The following UPF3B variants were observed in gnomAD, a reference collection of about 807,000 sequenced individuals.
UPF3B encodes the protein UPF3B regulator of nonsense mediated mRNA decay.
A neutral mutation model predicts 40.3 loss-of-function variants in UPF3B; 7 were observed. The observed-to-expected ratio is 0.17, with a 90% CI of 0.10 to 0.33. The LOEUF (loss-of-function observed/expected upper bound fraction) is 0.33, where lower values mean the gene tolerates loss of function less well. Among genes scored for constraint, UPF3B ranks in the 10% least tolerant of loss-of-function variants. The pLI, the probability that UPF3B is intolerant of heterozygous loss-of-function variation, is 1.00. For missense variants in UPF3B, 229 were observed against 358.9 expected (o/e 0.64, Z 2.93); for synonymous variants, 117 against 117.3 (o/e 1.00, Z 0.01).
At chrX:119,809,375 C>G (rs1353015584) in intron 5 of UPF3B, among the ~76,000 whole-genome samples, 1 of 111,940 alleles carries the variant, frequency 8.9e-6, no homozygotes, top group African/African-American at 3.2e-5. Context: ...GAGAAGTCTT[C>G]AAAAAGTCCA....
rs762578331 is a variant in UPF3B, at chrX:119,837,939, G to A, written c.1120C>T (p.Arg374Cys). The change falls in exon 10 of 11, where the codon CGT becomes TGT. Residue 374 changes from arginine (R) to cysteine (C), a missense_variant. Physicochemically the swap from Arg to Cys is radical, Grantham distance 180. Coordinates refer to ENST00000276201, the MANE Select transcript of UPF3B (RefSeq NM_080632.3). ...TTCTCATAGCGCTCCTTCTGCCTAC[G>A]GCGCTCTTCTTCTTGCCGCTTCAGC... ...ERLKRQEEER[R>C]RQKERYEKEK... The A allele has an allele frequency of 1.1e-4, 131 of 1,207,894 alleles. No individual in the cohort carries two copies. The highest frequency in any genetic ancestry group is 1.9e-4 in the South Asian group (11 of 56,636).
intron 3 of UPF3B, among the ~76,000 whole-genome samples, chrX:119,825,764 T>A (rs1344571285): frequency 8.9e-6 from 1 of 112,124 alleles, no homozygotes; most frequent in African/African-American, 3.2e-5. Flanking sequence ...TACAAATGGA[T>A]AACTTGTAAC....
chrX:119,816,577 G>T (rs887757996), intron 4 of UPF3B, among the ~76,000 whole-genome samples: 1 of 111,285 alleles, frequency 9.0e-6, no homozygotes, highest in African/African-American at 3.3e-5. Context: ...CAGGCAAGTA[G>T]AACAGAAGAG....
downstream of UPF3B, chrX:119,833,887 G>A: frequency 3.9e-6 from 1 of 255,936 alleles, no homozygotes; most frequent in Non-Finnish European, 5.4e-6. Flanking sequence ...TGGGTGAGAT[G>A]CCTGCTTCTA....
chrX:119,819,859 T>C lies in UPF3B; in HGVS notation c.494+3083A>G, dbSNP rs1276400526. On this transcript the variant is annotated intron_variant, in intron 4 of 6. Coordinates refer to the UPF3B transcript ENST00000636792. Reference sequence around the variant, plus strand: ...TATTTTTCCTTTTTTTTTTTTTTTTTTTTGAGATGGAGTCTGGCTCTGTCG... The same window carrying C: ...TATTTTTCCTTTTTTTTTTTTTTTTCTTTGAGATGGAGTCTGGCTCTGTCG... 3.0e-5 allele frequency among the ~76,000 whole-genome samples: 3 copies of C among 100,388 alleles called. No homozygotes were observed. In the East Asian group the frequency reaches 9.0e-4, roughly 30 times the overall value. 87.2% of individuals were successfully genotyped at this position (100,388 alleles called of 115,157 possible).
At chrX:119,837,445 C>G (rs758724272) in intron 10 of UPF3B, among the ~76,000 whole-genome samples, 1 of 106,596 alleles carries the variant, frequency 9.4e-6, no homozygotes, top group South Asian at 4.4e-4. Context: ...GAAACCCTGT[C>G]TCTACTAAAA....
intron 3 of UPF3B, among the ~76,000 whole-genome samples, 186 bp from the exon 4 acceptor site, chrX:119,845,482 C>T (rs1184720382): frequency 8.9e-6 from 1 of 112,162 alleles, no homozygotes; most frequent in Non-Finnish European, 1.9e-5. Context: ...CAAATTCACA[C>T]TGATAACATA....
chrX:119,830,892 G>A (rs1603368720), downstream of UPF3B, among the ~76,000 whole-genome samples: 4 of 111,678 alleles, frequency 3.6e-5, no homozygotes, highest in Admixed American at 9.5e-5. Flanking sequence ...GAACAAGATC[G>A]GAACAAGACT....
chrX:119,843,566 A>T (rs1480530403), intron 4 of UPF3B, among the ~76,000 whole-genome samples: 1 of 111,938 alleles, frequency 8.9e-6, no homozygotes, highest in Non-Finnish European at 1.9e-5. Flanking sequence ...CAGAACCACT[A>T]GGGGTATTAC....
downstream of UPF3B, among the ~76,000 whole-genome samples, chrX:119,830,687 A>G (rs1467042182): frequency 9.1e-6 from 1 of 109,775 alleles, no homozygotes; most frequent in Admixed American, 9.8e-5. Flanking sequence ...GGCAGAAAGT[A>G]ATATCATTCC....
In UPF3B at chrX:119,844,058, C is replaced by CT. The variant is rs1381721871; in HGVS notation, c.470-758dup. Among the ~76,000 whole-genome samples, 9 of 109,673 alleles carry CT rather than the reference C, an allele frequency of 8.2e-5. 1 individual carries two copies. Among genetic ancestry groups the CT allele is most frequent in the Admixed American group, 1.9e-4 (2 of 10,257 alleles). On this transcript the variant is annotated intron_variant, in intron 4 of 10. Coordinates refer to ENST00000276201, the MANE Select transcript of UPF3B (RefSeq NM_080632.3). Reference sequence around the variant, plus strand: ...AGTTCTTGTATTTCTTTCTTTCTTTCTTTTTTTTTGAGACGGAGTTTTGCT... The same window carrying CT: ...AGTTCTTGTATTTCTTTCTTTCTTTCTTTTTTTTTTGAGACGGAGTTTTGCT...
At chrX:119,835,786 A>C (rs974158973) in intron 10 of UPF3B, among the ~76,000 whole-genome samples, 5 of 110,903 alleles carry the variant, frequency 4.5e-5, no homozygotes, top group Non-Finnish European at 9.4e-5. Flanking sequence ...GACCAGCCTG[A>C]GCAACATAGG....
chrX:119,843,581 T>C (rs932630660), intron 4 of UPF3B, among the ~76,000 whole-genome samples: 1 of 111,828 alleles, frequency 8.9e-6, no homozygotes, highest in Non-Finnish European at 1.9e-5. Context: ...TATTACATAG[T>C]TTGCTTTTAA....
At chrX:119,848,685 G>T (rs1399065536) in intron 3 of UPF3B, among the ~76,000 whole-genome samples, 1 of 111,795 alleles carries the variant, frequency 8.9e-6, no homozygotes, top group Non-Finnish European at 1.9e-5. Flanking sequence ...GTTACAACAT[G>T]GATGGACCTT....
chrX:119,844,127 T>G (rs1191766047), intron 4 of UPF3B, among the ~76,000 whole-genome samples: 1 of 110,984 alleles, frequency 9.0e-6, no homozygotes. Context: ...CTCAGCTCAC[T>G]GCAACCTCCG....
intron 1 of UPF3B, among the ~76,000 whole-genome samples, chrX:119,852,199 A>C (rs998460668): frequency 1.8e-5 from 2 of 111,749 alleles, no homozygotes; most frequent in Non-Finnish European, 3.8e-5. Flanking sequence ...TAACTTAGTA[A>C]GCCAACGCTG....
At chrX:119,820,930 G>A (rs1199407858) in intron 4 of UPF3B, among the ~76,000 whole-genome samples, 1 of 111,870 alleles carries the variant, frequency 8.9e-6, no homozygotes, top group Non-Finnish European at 1.9e-5. Flanking sequence ...TCAGGCAAAA[G>A]CTCAAGGATG....
intron 3 of UPF3B, among the ~76,000 whole-genome samples, chrX:119,848,095 C>T (rs2056256825): frequency 1.8e-5 from 2 of 108,710 alleles, no homozygotes; most frequent in African/African-American, 6.7e-5. Flanking sequence ...GCCTGGCCAA[C>T]ACAGTGAAAC....
chrX:119,833,945 G>A, downstream of UPF3B: 1 of 644,959 alleles, frequency 1.6e-6, no homozygotes, highest in Non-Finnish European at 1.9e-6. Flanking sequence ...TCACTAGAAG[G>A]TGAGTGATGT....
Sources: allele counts gnomAD v4.1 joint callset (sites outside exome capture counted in the v4.1 genomes callset), GRCh38; gene constraint gnomAD v4.1.1; transcripts MANE v1.5; gene names NCBI Gene and HGNC (gene_info 2026-07-23, HGNC 2026-07-21).